COL19A1: variants seen among roughly 807,000 people sequenced by gnomAD.
COL19A1 encodes collagen type XIX alpha 1 chain, also known as collagen alpha-1(XIX) chain.
COL19A1 carries 159 observed loss-of-function variants against 190.2 expected under a neutral mutation model. That is an observed-to-expected ratio of 0.84 (90% CI 0.73 to 0.95). COL19A1 has a LOEUF of 0.95. Ranked by LOEUF, COL19A1 falls within the 40% of genes least tolerant of loss-of-function variation. The pLI, the probability that COL19A1 is intolerant of heterozygous loss-of-function variation, is 0.00. For missense variants in COL19A1, 1,418 were observed against 1,431.9 expected (o/e 0.99, Z 0.16); for synonymous variants, 509 against 458.9 (o/e 1.11, Z -1.39).
At chr6:70,095,490 A>G (rs1037132547) in intron 15 of COL19A1, among the ~76,000 whole-genome samples, 8 of 152,212 alleles carry the variant, frequency 5.3e-5, no homozygotes, top group Non-Finnish European at 7.4e-5. Context: ...ACTACCATGT[A>G]CTGGACATTT....
chr6:69,936,629 G>A (rs1773129275), intron 7 of COL19A1, among the ~76,000 whole-genome samples, 156 bp from the exon 8 acceptor site: 1 of 152,144 alleles, frequency 6.6e-6, no homozygotes, highest in Non-Finnish European at 1.5e-5. Context: ...GTGCAAAAGT[G>A]TGATAAACAT....
At chr6:70,148,685 G>A (rs527331221) in intron 27 of COL19A1, among the ~76,000 whole-genome samples, 21 of 152,222 alleles carry the variant, frequency 1.4e-4, no homozygotes, top group Admixed American at 4.6e-4. Context: ...CCAGCACTTT[G>A]GGAGGCCAAG....
At chr6:69,960,437 A>G (rs1774708231) in intron 10 of COL19A1, among the ~76,000 whole-genome samples, 1 of 152,324 alleles carries the variant, frequency 6.6e-6, no homozygotes, top group East Asian at 1.9e-4. Flanking sequence ...AGAGCTAAAC[A>G]TAATAGTTAG....
Position 70,102,158 on chromosome 6 carries a change from T to G in COL19A1, c.1225-11T>G. The G allele has an allele frequency of 6.2e-7, 1 of 1,610,564 alleles. No individual in the cohort carries two copies. The highest frequency in any genetic ancestry group is 1.1e-5 in the South Asian group (1 of 91,004). ...CACAGTATTTATCATCTATTCTTCT[T>G]TGGTTTCAAGGGAAGACGAGGGAAA... is the stretch of plus-strand genomic sequence containing the variant. On this transcript the variant is annotated splice_polypyrimidine_tract_variant and intron_variant, in intron 15 of 50. Coordinates refer to ENST00000620364, the MANE Select transcript of COL19A1 (RefSeq NM_001858.6).
In COL19A1 at chr6:70,172,114, A is replaced by G. The variant is rs539305384; in HGVS notation, c.2622+97A>G. The G allele has an allele frequency of 3.0e-5, 32 of 1,051,780 alleles. No individual in the cohort carries two copies. In the African/African-American group the frequency reaches 5.0e-4, roughly 16 times the overall value. 65.2% of individuals were successfully genotyped at this position (1,051,780 alleles called of 1,614,324 possible). On this transcript the variant is annotated intron_variant, in intron 41 of 50. Coordinates refer to ENST00000620364, the MANE Select transcript of COL19A1 (RefSeq NM_001858.6). ...AAAAACTGTTTTAGGTTAGGGATATATAAAGGAACAAAACAGACAAAAATG... is the reference window on the plus strand; with the variant it reads ...AAAAACTGTTTTAGGTTAGGGATATGTAAAGGAACAAAACAGACAAAAATG...
chr6:69,915,407 C>A (rs1771224554), intron 4 of COL19A1, among the ~76,000 whole-genome samples: 3 of 152,098 alleles, frequency 2.0e-5, no homozygotes. Context: ...ACAATGCTAA[C>A]CATTGGAAGG....
chr6:70,111,679 G>A (rs957323921), intron 16 of COL19A1, among the ~76,000 whole-genome samples: 2 of 152,126 alleles, frequency 1.3e-5, no homozygotes, highest in African/African-American at 4.8e-5. Context: ...GGGGCCACGT[G>A]TTTTAAAACT....
At chr6:69,960,664 C>T (rs970725454) in intron 10 of COL19A1, among the ~76,000 whole-genome samples, 2 of 137,296 alleles carry the variant, frequency 1.5e-5, no homozygotes, top group Non-Finnish European at 3.0e-5. Flanking sequence ...GAGTCTCGCT[C>T]TGTCTCCCAG....
intron 9 of COL19A1, among the ~76,000 whole-genome samples, chr6:69,949,386 G>C (rs955166319): frequency 2.0e-5 from 3 of 151,786 alleles, no homozygotes; most frequent in African/African-American, 2.4e-5. Context: ...GTGAAAAAAT[G>C]CCGCCTCAAT....
intron 15 of COL19A1, among the ~76,000 whole-genome samples, chr6:70,074,750 A>G (rs971683937): frequency 6.7e-5 from 9 of 133,546 alleles, no homozygotes; most frequent in African/African-American, 2.9e-4. Flanking sequence ...TTAGTTTCAC[A>G]TTATAACAGG....
intron 15 of COL19A1, among the ~76,000 whole-genome samples, chr6:70,072,226 C>A (rs1007802771): frequency 1.3e-5 from 2 of 152,046 alleles, no homozygotes; most frequent in African/African-American, 4.8e-5. Flanking sequence ...CTTAGTATTC[C>A]TAACAAACAG....
At chr6:70,167,951 G>C (rs1162322071) in intron 37 of COL19A1, 74 bp from the exon 38 acceptor site, 3 of 1,098,268 alleles carry the variant, frequency 2.7e-6, no homozygotes, top group Non-Finnish European at 4.0e-6. Flanking sequence ...AGTATCATTT[G>C]GTAAAATGAT....
chr6:70,212,092 T>C lies in COL19A1; in HGVS notation c.*4818T>C, dbSNP rs1768239253. Among the ~76,000 whole-genome samples the C allele has an allele frequency of 6.6e-6, 1 of 152,180 alleles. No individual in the cohort carries two copies. The highest frequency in any genetic ancestry group is 2.1e-4 in the South Asian group (1 of 4,828). On this transcript the variant is annotated 3_prime_UTR_variant, in exon 51 of 51. Transcript: ENST00000620364. ...TGTGTATTGTGTGACCATACTAAGC[T>C]TCTGGGTGTAAGTAAAGATGCTGGC...
rs1379340445 is a variant in COL19A1 at position 70,209,741 on chromosome 6, G to A, written c.*2467G>A. ...AAATTTGACGTAACTAGAGAAACAA[G>A]GCTGTATCCACATGGTACAAGCCTT... On this transcript the variant is annotated 3_prime_UTR_variant, in exon 51 of 51. Transcript: ENST00000620364. 6.6e-6 allele frequency: 1 copy of A among 152,040 alleles called. No individual in the cohort carries two copies. The highest frequency in any genetic ancestry group is 2.4e-5 in the African/African-American group (1 of 41,396). The allele number at this position is 152,040 out of a possible 1,614,324, so 9.4% of individuals were successfully genotyped here.
chr6:70,074,516 A>AAAAG lies in COL19A1; in HGVS notation c.1224+6041_1224+6042insAAGA, dbSNP rs1306737214. Among the ~76,000 whole-genome samples the AAAAG allele has an allele frequency of 8.0e-5, 12 of 149,344 alleles. No homozygotes were observed. The East Asian group carries it at 1.8e-3, about 22-fold the overall frequency. ...TCCACCTCAAAAAAAAAAAAAAAAAAAGAGAGAGAAAGAGTATTTCTTCTT... is the reference window on the plus strand; with the variant it reads ...TCCACCTCAAAAAAAAAAAAAAAAAAAAAGAGAGAGAGAAAGAGTATTTCTTCTT... On this transcript the variant is annotated intron_variant, in intron 15 of 50. Coordinates refer to ENST00000620364, the MANE Select transcript of COL19A1 (RefSeq NM_001858.6).
chr6:70,116,991 A>G (rs1273384085), intron 16 of COL19A1, among the ~76,000 whole-genome samples: 5 of 152,206 alleles, frequency 3.3e-5, no homozygotes, highest in African/African-American at 1.2e-4. Context: ...TGGCATCTGG[A>G]TGGCTCAAGG....
intron 11 of COL19A1, among the ~76,000 whole-genome samples, chr6:69,997,475 T>C (rs1245057471): frequency 6.6e-6 from 1 of 152,188 alleles, no homozygotes; most frequent in African/African-American, 2.4e-5. Context: ...TTCAAGGAAT[T>C]AGAGAAAACT....
At chr6:69,922,242 G>C (rs1055311614) in intron 4 of COL19A1, among the ~76,000 whole-genome samples, 15 of 151,508 alleles carry the variant, frequency 9.9e-5, no homozygotes, top group African/African-American at 3.6e-4. Flanking sequence ...ATAAATTTCT[G>C]AAAGGGAAAT....
intron 15 of COL19A1, among the ~76,000 whole-genome samples, chr6:70,069,596 C>G (rs1309360503): frequency 6.6e-6 from 1 of 152,120 alleles, no homozygotes; most frequent in East Asian, 1.9e-4. Context: ...AAGTACGCCC[C>G]ATACCACAGA....
Sources: allele counts gnomAD v4.1 joint callset (sites outside exome capture counted in the v4.1 genomes callset), GRCh38; gene constraint gnomAD v4.1.1; transcripts MANE v1.5; gene names NCBI Gene and HGNC (gene_info 2026-07-23, HGNC 2026-07-21).